EPB41L5: variants seen among roughly 807,000 people sequenced by gnomAD.
EPB41L5 encodes the protein erythrocyte membrane protein band 4.1 like 5, also known as band 4.1-like protein 5.
Under a neutral mutation model 106.6 loss-of-function variants are expected in EPB41L5, and 55 were observed. That is an observed-to-expected ratio of 0.52 (90% CI 0.42 to 0.65). The LOEUF (loss-of-function observed/expected upper bound fraction) is 0.65, where lower values mean the gene tolerates loss of function less well. Ranked by LOEUF, EPB41L5 falls within the 30% of genes least tolerant of loss-of-function variation. EPB41L5 has a pLI of 0.00. For missense variants in EPB41L5, 871 were observed against 882.1 expected, an observed-to-expected ratio of 0.99 and a Z score of 0.16; for synonymous variants, 297 against 306.7, an observed-to-expected ratio of 0.97 and a Z score of 0.33.
At chr2:120,027,590 G>C (rs766319687) in intron 2 of EPB41L5, among the ~76,000 whole-genome samples, 1 of 152,004 alleles carries the variant, frequency 6.6e-6, no homozygotes, top group Non-Finnish European at 1.5e-5. Flanking sequence ...TTTTTTTTAG[G>C]GATGGTGTCT....
At chr2:120,075,648 A>T in intron 6 of EPB41L5, 53 bp from the exon 7 acceptor site, 1 of 1,482,976 alleles carries the variant, frequency 6.7e-7, no homozygotes. Flanking sequence ...CATTTGTCTT[A>T]AAATGAAGGT....
rs1356875688 is a variant in EPB41L5, at chr2:120,013,093, A to T, written c.-126A>T. The T allele has an allele frequency of 6.6e-6, 1 of 152,034 alleles. No individual in the cohort carries two copies. The highest frequency in any genetic ancestry group is 1.5e-5 in the Non-Finnish European group (1 of 68,028). The allele number at this position is 152,034 out of a possible 1,614,324, so 9.4% of individuals were successfully genotyped here. A position where few individuals can be genotyped will look rare whatever the true frequency, so the allele number is the denominator to read the frequency against. On this transcript the variant is annotated 5_prime_UTR_variant, in exon 1 of 25. Transcript: ENST00000263713. ...GAGGTCGGGGTCCTCCGGGGATTAG[A>T]GCCGGTGGGCTCGTTGTGGGCGCCA...
At chr2:120,154,921 A>G (rs972346203) in intron 20 of EPB41L5, among the ~76,000 whole-genome samples, 1 of 152,164 alleles carries the variant, frequency 6.6e-6, no homozygotes, top group Admixed American at 6.5e-5. Context: ...GCAAGACTCC[A>G]TATCAAAACA....
chr2:120,013,413 C>T (rs1226352756), intron 1 of EPB41L5: 1 of 152,000 alleles, frequency 6.6e-6, no homozygotes, highest in African/African-American at 2.4e-5. Flanking sequence ...CGGCGGCGGC[C>T]AATGAGGCAG....
At chr2:120,042,245 C>A (rs920565837) in intron 3 of EPB41L5, 135 bp downstream of exon 3, 5 of 546,864 alleles carry the variant, frequency 9.1e-6, no homozygotes, top group East Asian at 3.2e-5. Context: ...CTCCCTCCCC[C>A]CACCTCCTTG....
chr2:120,038,815 A>T (rs761544008), intron 2 of EPB41L5, among the ~76,000 whole-genome samples: 9 of 152,030 alleles, frequency 5.9e-5, no homozygotes, highest in Non-Finnish European at 1.0e-4. Context: ...CAGCACTTTC[A>T]CTCCTAGGTG....
At chr2:120,041,348 G>A (rs1679392118) in intron 2 of EPB41L5, among the ~76,000 whole-genome samples, 1 of 152,086 alleles carries the variant, frequency 6.6e-6, no homozygotes, top group African/African-American at 2.4e-5. Context: ...TTTTGAAAGG[G>A]TCTTGGAAAC....
At chr2:120,104,451 T>A (rs935507552) in intron 16 of EPB41L5, 1 of 1,316,518 alleles carries the variant, frequency 7.6e-7, no homozygotes, top group Admixed American at 3.7e-5. Flanking sequence ...GACAAATGTT[T>A]GTGTTGAAAA....
intron 19 of EPB41L5, among the ~76,000 whole-genome samples, chr2:120,145,509 GT>G (rs1467172582): frequency 1.3e-5 from 2 of 152,268 alleles, no homozygotes; most frequent in East Asian, 3.9e-4. Context: ...TCAAATAAGG[GT>G]TTTTTCATGG....
chr2:120,051,121 C>T (rs978174343), intron 3 of EPB41L5, among the ~76,000 whole-genome samples: 4 of 152,196 alleles, frequency 2.6e-5, no homozygotes, highest in Admixed American at 1.3e-4. Context: ...CCACTTGAGG[C>T]AGTCTGTCCA....
chr2:120,101,342 T>G (rs1684129918), intron 16 of EPB41L5, among the ~76,000 whole-genome samples: 1 of 152,230 alleles, frequency 6.6e-6, no homozygotes, highest in Non-Finnish European at 1.5e-5. Context: ...ACTTTAATTA[T>G]TTAGACTTCC....
chr2:120,071,530 A>G (rs905875385), intron 3 of EPB41L5, among the ~76,000 whole-genome samples: 1 of 152,200 alleles, frequency 6.6e-6, no homozygotes, highest in African/African-American at 2.4e-5. Context: ...TTCAAACTAT[A>G]CTACAAGGCT....
At chr2:120,115,578 G>GA (rs1684910517) in intron 16 of EPB41L5, among the ~76,000 whole-genome samples, 1 of 151,720 alleles carries the variant, frequency 6.6e-6, no homozygotes, top group African/African-American at 2.4e-5. Context: ...TTTTAGTAGA[G>GA]ACGGGGTTTC....
At chr2:120,116,121 A>G (rs543280838) in intron 16 of EPB41L5, among the ~76,000 whole-genome samples, 1 of 152,214 alleles carries the variant, frequency 6.6e-6, no homozygotes, top group South Asian at 2.1e-4. Flanking sequence ...TACAATTAAC[A>G]TTTTAATTTA....
At chr2:120,111,712 T>A (rs1383812030) in intron 16 of EPB41L5, among the ~76,000 whole-genome samples, 1 of 152,086 alleles carries the variant, frequency 6.6e-6, no homozygotes, top group African/African-American at 2.4e-5. Context: ...CTCCTTGCCA[T>A]TGCCCTTGCT....
intron 3 of EPB41L5, among the ~76,000 whole-genome samples, chr2:120,056,399 A>G (rs745726965): frequency 1.3e-5 from 2 of 151,892 alleles, no homozygotes; most frequent in African/African-American, 2.4e-5. Flanking sequence ...TCCTGGTTCA[A>G]GCGATTCTCC....
rs959254448 is a variant in EPB41L5, at chr2:120,127,559, T to C, written c.1338-129T>C. Reference sequence around the variant, plus strand: ...AATGTTTTTTTAATTTTTATTTTTGTTTTATTTTTGATTCATGGTTGCTTG... The same window carrying C: ...AATGTTTTTTTAATTTTTATTTTTGCTTTATTTTTGATTCATGGTTGCTTG... On this transcript the variant is annotated intron_variant, in intron 16 of 24. Coordinates refer to ENST00000263713, the MANE Select transcript of EPB41L5 (RefSeq NM_020909.4). The C allele has an allele frequency of 7.4e-6, 5 of 676,442 alleles. No individual in the cohort carries two copies. The African/African-American group carries it at 9.0e-5, about 12-fold the overall frequency. 41.9% of individuals were successfully genotyped at this position (676,442 alleles called of 1,614,324 possible). A position where few individuals can be genotyped will look rare whatever the true frequency, so the allele number is the denominator to read the frequency against.
chr2:120,084,703 A>G lies in EPB41L5; in HGVS notation c.804-2468A>G, dbSNP rs754802629. ...CTAAGTTGGGGAAGTTCTCCTGGAT[A>G]ATATCCTGCAGAGTGTTTTCCAACT... On this transcript the variant is annotated intron_variant, in intron 10 of 24. Transcript: ENST00000263713. Among the ~76,000 whole-genome samples, 28 of 152,234 alleles carry G rather than the reference A, an allele frequency of 1.8e-4. No individual in the cohort carries two copies. In the South Asian group the frequency reaches 2.1e-3, roughly 11 times the overall value.
intron 3 of EPB41L5, among the ~76,000 whole-genome samples, chr2:120,057,796 A>G (rs1267382780): frequency 6.6e-6 from 1 of 152,042 alleles, no homozygotes; most frequent in Non-Finnish European, 1.5e-5. Context: ...CACCCATGAC[A>G]GGAGCACTGC....
Sources: allele counts gnomAD v4.1 joint callset (sites outside exome capture counted in the v4.1 genomes callset), GRCh38; gene constraint gnomAD v4.1.1; transcripts MANE v1.5; gene names NCBI Gene and HGNC (gene_info 2026-07-23, HGNC 2026-07-21).